Variants in DCBLD2 observed in about 807,000 individuals in gnomAD.
DCBLD2 encodes discoidin, CUB and LCCL domain containing 2.
A neutral mutation model predicts 86.8 loss-of-function variants in DCBLD2; 54 were observed. The ratio of observed to expected loss-of-function variants is 0.62; its 90% CI spans 0.50 to 0.78. The LOEUF is 0.78. Among genes scored for constraint, DCBLD2 ranks in the 30% least tolerant of loss-of-function variants. The pLI is 0.00. For synonymous variants in DCBLD2, 354 were observed against 341.3 expected (o/e 1.04, Z -0.41); for missense variants, 908 against 954.2 (o/e 0.95, Z 0.64).
intron 2 of DCBLD2, among the ~76,000 whole-genome samples, chr3:98,873,679 A>C (rs986091164): frequency 6.6e-6 from 1 of 152,108 alleles, no homozygotes; most frequent in African/African-American, 2.4e-5. Context: ...TGAAAGAAAA[A>C]GTGAATTAAA....
At chr3:98,839,123 C>T (rs1434189688) in intron 3 of DCBLD2, among the ~76,000 whole-genome samples, 266 of 34,188 alleles carry the variant, frequency 7.8e-3, no homozygotes, top group Admixed American at 0.024. Context: ...CTTTCTTTTT[C>T]TTTCTTTCCT....
chr3:98,832,076 A>C (rs1379534443), intron 3 of DCBLD2, among the ~76,000 whole-genome samples: 1 of 152,162 alleles, frequency 6.6e-6, no homozygotes, highest in Non-Finnish European at 1.5e-5. Flanking sequence ...TGGGAGCCTA[A>C]GTCTCTTTTT....
intron 3 of DCBLD2, among the ~76,000 whole-genome samples, chr3:98,848,662 C>T (rs569896295): frequency 2.0e-5 from 3 of 152,244 alleles, no homozygotes; most frequent in Admixed American, 6.5e-5. Context: ...TCCCCCTTTA[C>T]ACCACATTTT....
At chr3:98,814,843 C>A (rs980129130) in intron 9 of DCBLD2, 12 of 152,124 alleles carry the variant, frequency 7.9e-5, no homozygotes, top group African/African-American at 2.4e-4. Context: ...ATTGTTCAGC[C>A]CTATACGTAC....
chr3:98,839,934 G>A (rs1559781952), intron 3 of DCBLD2, among the ~76,000 whole-genome samples: 1 of 152,130 alleles, frequency 6.6e-6, no homozygotes, highest in Non-Finnish European at 1.5e-5. Flanking sequence ...AGGGAGTGAG[G>A]TGTTAGGTAT....
At chr3:98,831,009 G>C (rs1942311116) in intron 3 of DCBLD2, among the ~76,000 whole-genome samples, 1 of 151,912 alleles carries the variant, frequency 6.6e-6, no homozygotes, top group African/African-American at 2.4e-5. Flanking sequence ...ATTGTGAATG[G>C]GATTGTGTTC....
intron 3 of DCBLD2, 84 bp downstream of exon 3, chr3:98,849,377 G>A (rs763380550): frequency 5.8e-6 from 9 of 1,552,284 alleles, no homozygotes; most frequent in Admixed American, 1.7e-5. Flanking sequence ...TCCAATTTCA[G>A]AAAACAGGTA....
intron 2 of DCBLD2, among the ~76,000 whole-genome samples, chr3:98,859,113 G>A (rs181156981): frequency 3.5e-4 from 54 of 152,296 alleles, no homozygotes; most frequent in African/African-American, 1.1e-3. Flanking sequence ...CTACGCCAAC[G>A]GAGGCTCACT....
chr3:98,895,067 T>A (rs999580891), intron 1 of DCBLD2, among the ~76,000 whole-genome samples: 3 of 151,486 alleles, frequency 2.0e-5, no homozygotes, highest in African/African-American at 7.3e-5. Context: ...ACTGCATATA[T>A]GAAGAGGTTA....
Position 98,819,182 on chromosome 3 carries a change from G to T in DCBLD2, c.1087+20C>A. On this transcript the variant is annotated intron_variant, in intron 8 of 15. Transcript: ENST00000326840. ...AAAATAAGTGTTACAAATTGCTTTA[G>T]AAAATTTTTGTCTCTTAACCTGTTA... The T allele has an allele frequency of 6.5e-7, 1 of 1,532,412 alleles. No homozygotes were observed. Among genetic ancestry groups the T allele is most frequent in the Non-Finnish European group, 8.8e-7 (1 of 1,135,572 alleles). The allele number at this position is 1,532,412 out of a possible 1,614,324, so 94.9% of individuals were successfully genotyped here.
At chr3:98,831,241 G>T (rs367680172) in intron 3 of DCBLD2, among the ~76,000 whole-genome samples, 2 of 149,558 alleles carry the variant, frequency 1.3e-5, no homozygotes, top group Non-Finnish European at 3.0e-5. Context: ...TAGTAGAGAC[G>T]AGGTTTCATC....
In DCBLD2 at chr3:98,841,043, A is replaced by G. The variant is rs866587932; in HGVS notation, c.571+8418T>C. On this transcript the variant is annotated intron_variant, in intron 3 of 15. Transcript: ENST00000326840. ...AGAGCATCTTCAGTGTTGAATATACACTAGTCTTCACAGTAGAGTTTAACC... is the reference window on the plus strand; with the variant it reads ...AGAGCATCTTCAGTGTTGAATATACGCTAGTCTTCACAGTAGAGTTTAACC... Among the ~76,000 whole-genome samples, 6 of 152,274 alleles carry G rather than the reference A, an allele frequency of 3.9e-5. No individual in the cohort carries two copies. The South Asian group carries it at 1.2e-3, about 32-fold the overall frequency.
At chr3:98,875,958 A>G (rs1943360814) in intron 2 of DCBLD2, among the ~76,000 whole-genome samples, 1 of 152,204 alleles carries the variant, frequency 6.6e-6, no homozygotes, top group Non-Finnish European at 1.5e-5. Context: ...ACTATGAAAA[A>G]AATGGGTAAA....
intron 2 of DCBLD2, among the ~76,000 whole-genome samples, chr3:98,860,534 A>C (rs1943021561): frequency 6.6e-6 from 1 of 152,240 alleles, no homozygotes; most frequent in African/African-American, 2.4e-5. Flanking sequence ...TTTCAGGAGA[A>C]ACTCTACAAG....
intron 7 of DCBLD2, among the ~76,000 whole-genome samples, chr3:98,819,754 C>G (rs1942085286): frequency 6.6e-6 from 1 of 152,146 alleles, no homozygotes; most frequent in Non-Finnish European, 1.5e-5. Flanking sequence ...CTGAGGTCTT[C>G]CCTGGGAGGA....
At chr3:98,857,729 A>G (rs1942961859) in intron 2 of DCBLD2, among the ~76,000 whole-genome samples, 1 of 151,788 alleles carries the variant, frequency 6.6e-6, no homozygotes, top group South Asian at 2.1e-4. Flanking sequence ...CGTCCCCACT[A>G]GAGTAGCTAG....
At chr3:98,890,622 C>T (rs907070076) in intron 1 of DCBLD2, among the ~76,000 whole-genome samples, 9 of 152,044 alleles carry the variant, frequency 5.9e-5, no homozygotes, top group African/African-American at 1.9e-4. Context: ...TTGTTACCTT[C>T]TACAGCATCT....
In DCBLD2 at chr3:98,799,814, A is replaced by G. The variant is rs1399302463; in HGVS notation, c.1886T>C (p.Ile629Thr). Residue 629 changes from isoleucine (I) to threonine (T), a missense_variant, in exon 16 of 16, where the codon ATT (isoleucine) becomes ACT (threonine). Transcript: ENST00000326840. ...AEYAQPLVGG[I>T]VGTLHQRSTF... ...AGATCTTTGATGAAGTGTACCAACA[A>G]TTCCTCCTACCAGTGGCTGAGCATA... The G allele has an allele frequency of 4.1e-5, 66 of 1,612,724 alleles. 1 individual carries two copies. In the Admixed American group the frequency reaches 1.1e-3, roughly 26 times the overall value.
intron 2 of DCBLD2, among the ~76,000 whole-genome samples, chr3:98,866,492 G>C (rs1051203065): frequency 6.6e-5 from 10 of 152,072 alleles, no homozygotes; most frequent in Non-Finnish European, 1.3e-4. Flanking sequence ...GTGTCTTTTG[G>C]CTGCATAAAT....
Sources: allele counts gnomAD v4.1 joint callset (sites outside exome capture counted in the v4.1 genomes callset), GRCh38; gene constraint gnomAD v4.1.1; transcripts MANE v1.5; gene names NCBI Gene and HGNC (gene_info 2026-07-23, HGNC 2026-07-21).